The following NBPF26 variants were observed in gnomAD, a reference collection of about 807,000 sequenced individuals.
The protein encoded by NBPF26 is NBPF member 26, also known as NBPF family member NBPF26.
A neutral mutation model predicts 119.6 loss-of-function variants in NBPF26; 79 were observed. The observed-to-expected ratio is 0.66, with a 90% CI of 0.55 to 0.80. The LOEUF is 0.80. Among genes scored for constraint, NBPF26 ranks in the 30% least tolerant of loss-of-function variants. The pLI, the probability that NBPF26 is intolerant of heterozygous loss-of-function variation, is 0.00. For synonymous variants in NBPF26, 299 were observed against 457.7 expected, an observed-to-expected ratio of 0.65 and a Z score of 4.43; for missense variants, 800 against 1,198.2, an observed-to-expected ratio of 0.67 and a Z score of 4.91.
chr1:120,805,387 C>G lies in NBPF26; in HGVS notation c.752-169C>G, dbSNP rs2101489051. The G allele has an allele frequency of 1.9e-5, 21 of 1,125,312 alleles. 4 individuals are homozygous for G. In the East Asian group the frequency reaches 5.3e-4, roughly 28 times the overall value. 69.7% of individuals were successfully genotyped at this position (1,125,312 alleles called of 1,614,324 possible). A position where few individuals can be genotyped will look rare whatever the true frequency, so the allele number is the denominator to read the frequency against. ...TGCTTTCAGCTCTGAGTTGAGGCAC[C>G]TCGAACCTTGTTTTTGTGGTGAAGG... On this transcript the variant is annotated intron_variant, in intron 4 of 29. Coordinates refer to ENST00000620612, the Ensembl canonical transcript of NBPF26.
At chr1:120,805,336 C>T (rs1157308068) in intron 4 of NBPF26, 2 of 1,043,072 alleles carry the variant, frequency 1.9e-6, no homozygotes, top group Non-Finnish European at 2.7e-6. Flanking sequence ...CTGCCTCACT[C>T]TTATCAGAGT....
In NBPF26 at chr1:120,812,105, A is replaced by C; in HGVS notation, c.1774+10A>C. 8.5e-7 allele frequency: 1 copy of C among 1,176,938 alleles called. No individual in the cohort carries two copies. Among genetic ancestry groups the C allele is most frequent in the Non-Finnish European group, 1.2e-6 (1 of 842,328 alleles). The allele number at this position is 1,176,938 out of a possible 1,614,324, so 72.9% of individuals were successfully genotyped here. On this transcript the variant is annotated intron_variant, in intron 10 of 29. Transcript: ENST00000620612. ...CAGCAGAACAAATACAGTAAGATCTATTGGCTCACCATCACGAAAGTGATG... is the reference window on the plus strand; with the variant it reads ...CAGCAGAACAAATACAGTAAGATCTCTTGGCTCACCATCACGAAAGTGATG...
chr1:120,801,584 C>A lies in NBPF26; in HGVS notation c.752-3972C>A, dbSNP rs1254003779. ...GTGGTTTACTCCTGTAATCCCAGCA[C>A]TTTTGGAGGCCTAGGTGGGAGGATC... On this transcript the variant is annotated intron_variant, in intron 4 of 29. Coordinates refer to ENST00000620612, the Ensembl canonical transcript of NBPF26. Among the ~76,000 whole-genome samples the A allele has an allele frequency of 2.1e-5, 2 of 97,414 alleles. 1 individual carries two copies. Among genetic ancestry groups the A allele is most frequent in the Admixed American group, 2.0e-4 (2 of 9,920 alleles). The allele number at this position is 97,414 out of a possible 152,430, so 63.9% of individuals were successfully genotyped here. A position where few individuals can be genotyped will look rare whatever the true frequency, so the allele number is the denominator to read the frequency against.
chr1:120,840,743 T>C (rs1652503047), downstream of NBPF26: 2 of 1,141,816 alleles, frequency 1.8e-6, no homozygotes, highest in Non-Finnish European at 2.4e-6. Flanking sequence ...ACCATGCCAG[T>C]GGCAACCTGT....
chr1:120,793,642 GT>G, intron 4 of NBPF26, 146 bp downstream of exon 4: 1 of 610,840 alleles, frequency 1.6e-6, no homozygotes. Flanking sequence ...TGAGGGAGGA[GT>G]TTTATGGGCC....
At chr1:120,800,162 AG>A (rs1651569919) in intron 4 of NBPF26, among the ~76,000 whole-genome samples, 1 of 30,836 alleles carries the variant, frequency 3.2e-5, no homozygotes, top group Non-Finnish European at 5.5e-5. Flanking sequence ...ACTCCCTCCC[AG>A]CCCTAGGCAA....
chr1:120,790,547 T>C (rs1374736969), intron 3 of NBPF26, among the ~76,000 whole-genome samples: 1 of 94,296 alleles, frequency 1.1e-5, no homozygotes, highest in Non-Finnish European at 1.9e-5. Context: ...TTTCTTTCTT[T>C]CTTTCTTTCT....
rs1308927226 is a variant in NBPF26 at position 120,793,737 on chromosome 1, C to G, written c.751+241C>G. ...AGTGGCTAGAAAATTGTTTATTGTC[C>G]CTTTTGTAGAAACAGTGAGAAATAA... On this transcript the variant is annotated intron_variant, in intron 4 of 29. Transcript: ENST00000620612. 4.1e-6 allele frequency: 3 copies of G among 726,592 alleles called. 1 individual carries two copies. The highest frequency in any genetic ancestry group is 6.9e-6 in the Non-Finnish European group (3 of 434,332). 45.0% of individuals were successfully genotyped at this position (726,592 alleles called of 1,614,324 possible).
chr1:120,818,528 T>G (rs1420579388), intron 15 of NBPF26, among the ~76,000 whole-genome samples: 9,992 of 124,658 alleles, frequency 0.08, 3,191 homozygotes, highest in African/African-American at 0.28. Flanking sequence ...TCTGCTAGCT[T>G]TTGAATTTGT....
At position 120,823,377 on chromosome 1, in the gene NBPF26, G is replaced by T. The variant is rs1553272268; in HGVS notation, c.2639+17G>T. ...AGGTCCCAGGTGAGTCTGAGAAATT[G>T]TGGACAGTTAATTTGATGTTGACAC... On this transcript the variant is annotated intron_variant, in intron 17 of 29. Coordinates refer to ENST00000620612, the Ensembl canonical transcript of NBPF26. 1.2e-5 allele frequency: 16 copies of T among 1,315,402 alleles called. 5 individuals are homozygous for T. Among genetic ancestry groups the T allele is most frequent in the East Asian group, 9.3e-5 (4 of 43,140 alleles). The allele number at this position is 1,315,402 out of a possible 1,614,324, so 81.5% of individuals were successfully genotyped here.
Position 120,813,240 on chromosome 1 carries a change from A to T in NBPF26, c.1775-651A>T, listed in dbSNP as rs1553271245. 1.6e-5 allele frequency among the ~76,000 whole-genome samples: 2 copies of T among 123,402 alleles called. 1 individual carries two copies. The highest frequency in any genetic ancestry group is 3.2e-5 in the Non-Finnish European group (2 of 62,088). The allele number at this position is 123,402 out of a possible 152,430, so 81.0% of individuals were successfully genotyped here. On this transcript the variant is annotated intron_variant, in intron 10 of 29. Transcript: ENST00000620612. Reference sequence around the variant, plus strand: ...GAATTACATGAGCTATTTCTTGTCAATCTCCTAGAACATTTATTGGCACAG... The same window carrying T: ...GAATTACATGAGCTATTTCTTGTCATTCTCCTAGAACATTTATTGGCACAG...
chr1:120,825,299 CCTCT>C lies in NBPF26; in HGVS notation c.2812+1165_2812+1168del, dbSNP rs1314587957. On this transcript the variant is annotated intron_variant, in intron 18 of 29. Coordinates refer to ENST00000620612, the Ensembl canonical transcript of NBPF26. The stretch of plus-strand genomic sequence containing the variant: ...GGCCAATTCACTGAGCTCACTTTCT[CCTCT>C]CTCTCTCTCTCCCTCTCCCTGTCTT... 1.3e-4 allele frequency among the ~76,000 whole-genome samples: 16 copies of C among 122,102 alleles called. No homozygotes were observed. In the South Asian group the frequency reaches 3.2e-3, roughly 24 times the overall value. 80.1% of individuals were successfully genotyped at this position (122,102 alleles called of 152,430 possible).
Position 120,805,541 on chromosome 1 carries a change from G to T in NBPF26, c.752-15G>T. 1.6e-6 allele frequency: 2 copies of T among 1,287,358 alleles called. No homozygotes were observed. The highest frequency in any genetic ancestry group is 2.2e-6 in the Non-Finnish European group (2 of 924,100). The allele number at this position is 1,287,358 out of a possible 1,614,324, so 79.7% of individuals were successfully genotyped here. On this transcript the variant is annotated splice_polypyrimidine_tract_variant and intron_variant, in intron 4 of 29. Coordinates refer to ENST00000620612, the Ensembl canonical transcript of NBPF26. ...AGTTTTTAACCCATCATATGTTTGG[G>T]TTTCTTCTCCCCAGTCCCTGACTCC...
intron 12 of NBPF26, among the ~76,000 whole-genome samples, chr1:120,815,392 A>T (rs1651985728): frequency 1.7e-5 from 2 of 114,368 alleles, no homozygotes; most frequent in South Asian, 5.1e-4. Flanking sequence ...TCTTTTCGAC[A>T]ATGTTCTTAG....
intron 4 of NBPF26, 79 bp downstream of exon 4, chr1:120,793,575 T>C: frequency 9.2e-7 from 1 of 1,082,038 alleles, no homozygotes; most frequent in Admixed American, 2.3e-5. Context: ...CAATTGCATT[T>C]TTTAGGAAGC....
At position 120,807,859 on chromosome 1, in the gene NBPF26, C is replaced by G; in HGVS notation, c.1064+150C>G. 3.7e-6 allele frequency: 2 copies of G among 538,654 alleles called. 1 individual carries two copies. Among genetic ancestry groups the G allele is most frequent in the African/African-American group, 6.2e-5 (2 of 32,006 alleles). The allele number at this position is 538,654 out of a possible 1,614,324, so 33.4% of individuals were successfully genotyped here. On this transcript the variant is annotated intron_variant, in intron 6 of 29. Coordinates refer to ENST00000620612, the Ensembl canonical transcript of NBPF26. ...TCGCTACACACAAATATTTATCAAACAGAGAAGGAGGATAGTAAAAATGTA... is the reference window on the plus strand; with the variant it reads ...TCGCTACACACAAATATTTATCAAAGAGAGAAGGAGGATAGTAAAAATGTA...
intron 10 of NBPF26, among the ~76,000 whole-genome samples, chr1:120,813,185 A>G (rs1651916427): frequency 8.2e-6 from 1 of 121,600 alleles, no homozygotes; most frequent in Non-Finnish European, 1.6e-5. Context: ...GGGTACTACA[A>G]TAATACCTAC....
chr1:120,823,895 A>C lies in NBPF26; in HGVS notation c.2640-79A>C, dbSNP rs1553272381. 30 of 456,030 alleles carry C rather than the reference A, an allele frequency of 6.6e-5. 6 individuals are homozygous for C. The highest frequency in any genetic ancestry group is 4.0e-4 in the South Asian group (21 of 52,474). 28.2% of individuals were successfully genotyped at this position (456,030 alleles called of 1,614,324 possible). A position where few individuals can be genotyped will look rare whatever the true frequency, so the allele number is the denominator to read the frequency against. ...TTTTTCTTTTCAAACTCTTCCTTACATTAGCCATGAAATCTAGCTGGGGCT... is the reference window on the plus strand; with the variant it reads ...TTTTTCTTTTCAAACTCTTCCTTACCTTAGCCATGAAATCTAGCTGGGGCT... On this transcript the variant is annotated intron_variant, in intron 17 of 29. Coordinates refer to ENST00000620612, the Ensembl canonical transcript of NBPF26.
intron 6 of NBPF26, among the ~76,000 whole-genome samples, chr1:120,808,134 A>G (rs1324281298): frequency 0.021 from 2,013 of 97,962 alleles, 27 homozygotes; most frequent in Middle Eastern, 0.04. Context: ...TTCTTCTTTC[A>G]TCTTTTCAAT....
Sources: allele counts gnomAD v4.1 joint callset (sites outside exome capture counted in the v4.1 genomes callset), GRCh38; gene constraint gnomAD v4.1.1; transcripts MANE v1.5; gene names NCBI Gene and HGNC (gene_info 2026-07-23, HGNC 2026-07-21).